Variants in OPRM1 observed in about 807,000 individuals in gnomAD.
OPRM1 encodes mu-type opioid receptor.
Under a neutral mutation model 31.8 loss-of-function variants are expected in OPRM1, and 27 were observed. The ratio of observed to expected loss-of-function variants is 0.85; its 90% CI spans 0.63 to 1.17. The LOEUF is 1.17. Ranked by LOEUF, OPRM1 falls within the 50% of genes most tolerant of loss-of-function variation. The pLI is 0.00. For synonymous variants in OPRM1, 196 were observed against 189.9 expected (o/e 1.03, Z -0.26); for missense variants, 536 against 511.1 (o/e 1.05, Z -0.47).
At chr6:154,198,552 G>A (rs1776809025) in intron 3 of OPRM1, among the ~76,000 whole-genome samples, 1 of 151,986 alleles carries the variant, frequency 6.6e-6, no homozygotes, top group Non-Finnish European at 1.5e-5. Context: ...AGGCCTCAGA[G>A]AGTGGTGACA....
intron 1 of OPRM1, among the ~76,000 whole-genome samples, chr6:154,082,533 T>C (rs1203221670): frequency 1.3e-5 from 2 of 152,212 alleles, no homozygotes; most frequent in Non-Finnish European, 2.9e-5. Context: ...GAAATTGTTT[T>C]ATCATATTTT....
chr6:154,139,586 G>A (rs1254710511), intron 3 of OPRM1, among the ~76,000 whole-genome samples: 1 of 152,092 alleles, frequency 6.6e-6, no homozygotes, highest in Non-Finnish European at 1.5e-5. Flanking sequence ...CTCAGAAAAA[G>A]CCCCCTGACC....
At chr6:154,117,332 A>G (rs1562487566) in intron 3 of OPRM1, among the ~76,000 whole-genome samples, 1 of 152,242 alleles carries the variant, frequency 6.6e-6, no homozygotes. Flanking sequence ...ATAGAATTCC[A>G]AAAGAGATGA....
chr6:154,205,669 G>A (rs571991671), intron 3 of OPRM1, among the ~76,000 whole-genome samples: 21 of 152,284 alleles, frequency 1.4e-4, no homozygotes, highest in Admixed American at 5.9e-4. Flanking sequence ...TACCTAACTA[G>A]TTAGTGTATA....
rs9322446 is a variant in OPRM1, at chr6:154,087,567, G to A, written c.291-2259G>A. The A allele has an allele frequency of 0.15, 147,048 of 984,764 alleles. 11,629 individuals carry two copies. Among genetic ancestry groups the A allele is most frequent in the Non-Finnish European group, 0.16 (133,157 of 829,398 alleles). 61.0% of individuals were successfully genotyped at this position (984,764 alleles called of 1,614,324 possible). A position where few individuals can be genotyped will look rare whatever the true frequency, so the allele number is the denominator to read the frequency against. ...CTCCTCCAGCAACTACATACCATGC[G>A]TCTTCTCAGGTGTGGGTCCTGCAGG... On this transcript the variant is annotated intron_variant, in intron 1 of 3. Coordinates refer to ENST00000330432, the MANE Select transcript of OPRM1 (RefSeq NM_000914.5).
At chr6:154,101,515 A>G (rs1264774833) in intron 3 of OPRM1, among the ~76,000 whole-genome samples, 5 of 152,356 alleles carry the variant, frequency 3.3e-5, no homozygotes, top group Admixed American at 2.0e-4. Context: ...CAGAAGTTCA[A>G]TATGACAAAT....
At chr6:154,072,689 G>T (rs1479294292) in intron 1 of OPRM1, among the ~76,000 whole-genome samples, 1 of 152,130 alleles carries the variant, frequency 6.6e-6, no homozygotes, top group Non-Finnish European at 1.5e-5. Context: ...ATATTTTAAA[G>T]GGCCCTATTA....
intron 3 of OPRM1, among the ~76,000 whole-genome samples, chr6:154,218,474 G>A (rs1163698010): frequency 1.3e-5 from 2 of 152,112 alleles, no homozygotes; most frequent in Non-Finnish European, 2.9e-5. Flanking sequence ...GTTGCCCAGG[G>A]AGAGGAACTT....
At chr6:154,140,183 G>A (rs530730113) in intron 3 of OPRM1, among the ~76,000 whole-genome samples, 14 of 152,166 alleles carry the variant, frequency 9.2e-5, no homozygotes, top group Admixed American at 3.3e-4. Context: ...TGTCATTATC[G>A]CAACAAAAGA....
Position 154,120,557 on chromosome 6 carries a change from A to G in OPRM1, c.*1836A>G, listed in dbSNP as rs903826836. Among the ~76,000 whole-genome samples the G allele has an allele frequency of 4.6e-5, 7 of 152,190 alleles. No homozygotes were observed. Among genetic ancestry groups the G allele is most frequent in the Non-Finnish European group, 1.0e-4 (7 of 68,018 alleles). ...ACCTTAAAAAGATTTAGAATGTTAA[A>G]TAAGTGTACTAGGGTGTATATATTT... On this transcript the variant is annotated 3_prime_UTR_variant, in exon 4 of 4. Coordinates refer to ENST00000330432, the MANE Select transcript of OPRM1 (RefSeq NM_000914.5).
At chr6:154,180,414 A>ATATTTTT (rs1241250621) in intron 3 of OPRM1, among the ~76,000 whole-genome samples, 149 of 65,200 alleles carry the variant, frequency 2.3e-3, no homozygotes, top group African/African-American at 4.9e-3. Flanking sequence ...ATATATATAT[A>ATATTTTT]TTTTTTTTTT....
Position 154,109,786 on chromosome 6 carries a change from CTCTCTCTGTGTGTGTGTGTGTGTG to C in OPRM1, c.1165-8895_1165-8872del, listed in dbSNP as rs879868793. ...TCTCTCCCTCTCTCTCTCTCTCTCT[CTCTCTCTGTGTGTGTGTGTGTGTG>C]TGTGTGTGTGTGTGTGTGTGTGTTG... is the stretch of plus-strand genomic sequence containing the variant. On this transcript the variant is annotated intron_variant, in intron 3 of 3. Transcript: ENST00000330432. Among the ~76,000 whole-genome samples, 14 of 92,372 alleles carry C rather than the reference CTCTCTCTGTGTGTGTGTGTGTGTG, an allele frequency of 1.5e-4. 1 individual carries two copies. Among genetic ancestry groups the C allele is most frequent in the South Asian group, 1.4e-3 (4 of 2,824 alleles). The allele number at this position is 92,372 out of a possible 152,430, so 60.6% of individuals were successfully genotyped here.
At chr6:154,059,093 T>C (rs147674928) in intron 1 of OPRM1, among the ~76,000 whole-genome samples, 1 of 152,310 alleles carries the variant, frequency 6.6e-6, no homozygotes, top group Non-Finnish European at 1.5e-5. Flanking sequence ...TTTTATATCT[T>C]ACTTTCCAGA....
At chr6:154,062,414 A>C (rs1476619232) in intron 1 of OPRM1, among the ~76,000 whole-genome samples, 1 of 152,136 alleles carries the variant, frequency 6.6e-6, no homozygotes, top group Non-Finnish European at 1.5e-5. Context: ...CCTGTATTGC[A>C]CTATAAGACT....
intron 1 of OPRM1, among the ~76,000 whole-genome samples, chr6:154,033,056 T>A (rs1354178079): frequency 6.6e-6 from 1 of 152,058 alleles, no homozygotes; most frequent in Non-Finnish European, 1.5e-5. Flanking sequence ...GCTGAAAAGG[T>A]TAATAGAGAG....
At position 154,124,376 on chromosome 6, in the gene OPRM1, T is replaced by C. The variant is rs1797466309; in HGVS notation, c.*5655T>C. Among the ~76,000 whole-genome samples the C allele has an allele frequency of 6.6e-6, 1 of 152,244 alleles. No individual in the cohort carries two copies. Among genetic ancestry groups the C allele is most frequent in the Non-Finnish European group, 1.5e-5 (1 of 68,028 alleles). On this transcript the variant is annotated 3_prime_UTR_variant, in exon 4 of 4. Coordinates refer to ENST00000330432, the MANE Select transcript of OPRM1 (RefSeq NM_000914.5). ...ATTTAATATACTTTTTCAACTCACT[T>C]TGCATTTCCTGTTACCTTGTACTGA...
intron 1 of OPRM1, 74 bp downstream of exon 1, chr6:154,039,908 A>C: frequency 7.3e-7 from 1 of 1,373,564 alleles, no homozygotes; most frequent in African/African-American, 1.4e-5. Flanking sequence ...CTAACTCCCA[A>C]GGCTCAATGT....
At chr6:154,058,173 T>A (rs529031369) in intron 1 of OPRM1, among the ~76,000 whole-genome samples, 3 of 152,268 alleles carry the variant, frequency 2.0e-5, no homozygotes. Flanking sequence ...AGAATTAACA[T>A]GCTTTCTACA....
intron 3 of OPRM1, among the ~76,000 whole-genome samples, chr6:154,229,962 A>G (rs1779595522): frequency 6.6e-6 from 1 of 152,226 alleles, no homozygotes; most frequent in Non-Finnish European, 1.5e-5. Context: ...GTGAAACACA[A>G]GCGATCAGTT....
Sources: gnomAD v4.1 joint callset for allele counts (sites outside exome capture counted in the v4.1 genomes callset) on GRCh38, gnomAD v4.1.1 for gene constraint, MANE v1.5 for transcripts, NCBI Gene and HGNC (gene_info 2026-07-23, HGNC 2026-07-21) for gene names.